RAPGEF4: variants seen among roughly 807,000 people sequenced by gnomAD.
RAPGEF4 encodes the protein RAP guanine-nucleotide-exchange factor (GEF) 4.
RAPGEF4 carries 66 observed loss-of-function variants against 147.9 expected under a neutral mutation model. That is an observed-to-expected ratio of 0.45 (90% confidence interval 0.37 to 0.55). The LOEUF is 0.55. Among genes scored for constraint, RAPGEF4 ranks in the 20% least tolerant of loss-of-function variants. RAPGEF4 has a pLI of 0.00. For missense variants in RAPGEF4, 1,071 were observed against 1,257.3 expected (o/e 0.85, Z 2.24); for synonymous variants, 419 against 442.7 (o/e 0.95, Z 0.67).
rs1684850312 is a variant in RAPGEF4, at chr2:173,042,214, A to G, written c.2853+5522A>G. Among the ~76,000 whole-genome samples the G allele has an allele frequency of 6.6e-6, 1 of 152,252 alleles. No individual in the cohort carries two copies. The highest frequency in any genetic ancestry group is 2.4e-5 in the African/African-American group (1 of 41,462). On this transcript the variant is annotated intron_variant, in intron 29 of 30. Transcript: ENST00000397081. The surrounding 1 kb of genome is among the most constrained non-coding windows in gnomAD (Gnocchi z 4.2). ...CAGCACCCATAAAAATGTCTGGCAC[A>G]TCGTAAGTATGCAAGAAGTACTTGT...
rs183851232 is a variant in RAPGEF4 at position 172,941,688 on chromosome 2, G to A, written c.538-19072G>A. 1.1e-3 allele frequency among the ~76,000 whole-genome samples: 162 copies of A among 152,236 alleles called. 1 individual carries two copies. The highest frequency in any genetic ancestry group is 1.6e-3 in the Non-Finnish European group (112 of 68,016). Reference sequence around the variant, plus strand: ...GGAAACTGTATTACGGCAGTACATCGTAGGAGTAAACCAGCAAGGAGACTG... The same window carrying A: ...GGAAACTGTATTACGGCAGTACATCATAGGAGTAAACCAGCAAGGAGACTG... On this transcript the variant is annotated intron_variant, in intron 6 of 30. Transcript: ENST00000397081.
chr2:172,978,664 T>A (rs1016667996), intron 10 of RAPGEF4, among the ~76,000 whole-genome samples: 13 of 152,212 alleles, frequency 8.5e-5, no homozygotes, highest in African/African-American at 3.1e-4. Flanking sequence ...CGCAGAGCTG[T>A]CTTATCAGTG....
At chr2:172,797,419 A>C (rs986279839) in intron 2 of RAPGEF4, 106 bp from the exon 3 acceptor site, 1 of 788,566 alleles carries the variant, frequency 1.3e-6, no homozygotes, top group Non-Finnish European at 2.1e-6. Flanking sequence ...AAGGGTGGTA[A>C]GCTCAGTTAG....
intron 3 of RAPGEF4, among the ~76,000 whole-genome samples, chr2:172,808,824 C>T (rs1212755480): frequency 1.3e-5 from 2 of 152,182 alleles, no homozygotes; most frequent in Admixed American, 6.5e-5. Flanking sequence ...GTGGCTTTTC[C>T]ACTCTGCTGC....
chr2:172,816,397 C>G (rs181349937), intron 4 of RAPGEF4, among the ~76,000 whole-genome samples: 3 of 151,916 alleles, frequency 2.0e-5, no homozygotes, highest in African/African-American at 7.2e-5. Context: ...TTCATGGTAT[C>G]TTTTTTTGCA....
At chr2:172,809,030 G>A (rs778565442) in intron 3 of RAPGEF4, among the ~76,000 whole-genome samples, 3 of 152,224 alleles carry the variant, frequency 2.0e-5, no homozygotes, top group Non-Finnish European at 4.4e-5. Flanking sequence ...TGCCAAGACA[G>A]TGCTCATGAC....
chr2:173,041,939 G>A (rs1218130184), intron 29 of RAPGEF4, among the ~76,000 whole-genome samples: 1 of 152,170 alleles, frequency 6.6e-6, no homozygotes, highest in African/African-American at 2.4e-5. Context: ...AAGGGAAGAA[G>A]ATCACACATC....
intron 4 of RAPGEF4, among the ~76,000 whole-genome samples, chr2:172,824,051 A>G (rs564473840): frequency 2.8e-4 from 43 of 152,154 alleles, no homozygotes; most frequent in Non-Finnish European, 1.8e-4. Context: ...TTTGGTTTGC[A>G]AATTAAAGAA....
At chr2:172,926,936 T>G (rs1184375626) in intron 6 of RAPGEF4, among the ~76,000 whole-genome samples, 1 of 152,242 alleles carries the variant, frequency 6.6e-6, no homozygotes, top group African/African-American at 2.4e-5. Context: ...TGCTAAATAC[T>G]GAAGAATGCT....
At chr2:173,045,498 T>C (rs1005975540) in intron 29 of RAPGEF4, among the ~76,000 whole-genome samples, 57 of 152,328 alleles carry the variant, frequency 3.7e-4, no homozygotes, top group African/African-American at 1.3e-3. Context: ...AGAAAAGATC[T>C]GGGGGTGTGA....
At chr2:173,000,345 A>AT (rs1476025018) in intron 16 of RAPGEF4, among the ~76,000 whole-genome samples, 1 of 152,256 alleles carries the variant, frequency 6.6e-6, no homozygotes, top group Non-Finnish European at 1.5e-5. Context: ...TAGCATTAAA[A>AT]TGTACGTATT....
At chr2:173,001,409 T>C (rs1693908632) in intron 17 of RAPGEF4, 65 bp downstream of exon 17, 1 of 1,593,378 alleles carries the variant, frequency 6.3e-7, no homozygotes, top group African/African-American at 1.3e-5. Context: ...TCGAGGGCCA[T>C]TCTTATCTCA....
intron 24 of RAPGEF4, 96 bp downstream of exon 24, chr2:173,026,793 T>C: frequency 6.7e-7 from 1 of 1,485,254 alleles, no homozygotes; most frequent in Non-Finnish European, 9.1e-7. Context: ...TGCTACAATA[T>C]GGAAACCACA....
intron 14 of RAPGEF4, among the ~76,000 whole-genome samples, chr2:172,989,310 C>A (rs1288862985): frequency 6.6e-6 from 1 of 150,708 alleles, no homozygotes; most frequent in Non-Finnish European, 1.5e-5. Context: ...ATCATACATT[C>A]CCTTGATTTA....
chr2:172,999,240 TC>T (rs1693669213), intron 16 of RAPGEF4, among the ~76,000 whole-genome samples: 1 of 152,228 alleles, frequency 6.6e-6, no homozygotes, highest in Admixed American at 6.5e-5. Flanking sequence ...CTGCAGTTTT[TC>T]CTGATATTTT....
rs35905755 is a variant in RAPGEF4 at position 173,002,621 on chromosome 2, CT to C, written c.1658+1292del. Among the ~76,000 whole-genome samples the C allele has an allele frequency of 9.6e-4, 133 of 138,872 alleles. 1 individual carries two copies. The highest frequency in any genetic ancestry group is 1.1e-3 in the Admixed American group (15 of 14,090). The allele number at this position is 138,872 out of a possible 152,430, so 91.1% of individuals were successfully genotyped here. A position where few individuals can be genotyped will look rare whatever the true frequency, so the allele number is the denominator to read the frequency against. On this transcript the variant is annotated intron_variant, in intron 17 of 30. Coordinates refer to ENST00000397081, the MANE Select transcript of RAPGEF4 (RefSeq NM_007023.4). ...AAGGAGAATGACTCTTTTATTCTTT[CT>C]TTTTTTTTTTTTTTAGGAATTCAGT...
rs1299059875 is a variant in RAPGEF4 at position 172,988,660 on chromosome 2, ATCT to A, written c.1228-27_1228-25del. 9.4e-6 allele frequency: 15 copies of A among 1,589,664 alleles called. No individual in the cohort carries two copies. In the Middle Eastern group the frequency reaches 5.0e-4, roughly 54 times the overall value. On this transcript the variant is annotated intron_variant, in intron 13 of 30. Transcript: ENST00000397081. Reference sequence around the variant, plus strand: ...GGTGGGTGTTTGCTCTATTTCAGGGATCTTCTTCATCTGTGTGCTCTACTCTAT... The same window carrying A: ...GGTGGGTGTTTGCTCTATTTCAGGGATCTTCATCTGTGTGCTCTACTCTAT...
chr2:172,862,802 A>G (rs1694180559), intron 4 of RAPGEF4, among the ~76,000 whole-genome samples: 1 of 152,214 alleles, frequency 6.6e-6, no homozygotes, highest in Admixed American at 6.5e-5. Context: ...TGAAATGAAG[A>G]AAGTAACATT....
intron 10 of RAPGEF4, among the ~76,000 whole-genome samples, chr2:172,982,585 A>C (rs73977755): frequency 0.073 from 11,155 of 152,244 alleles, 602 homozygotes; most frequent in South Asian, 0.16. Flanking sequence ...ATGATTTCAA[A>C]ATAATTATAG....
Sources: allele counts gnomAD v4.1 joint callset (sites outside exome capture counted in the v4.1 genomes callset), GRCh38; gene constraint gnomAD v4.1.1; non-coding constraint Gnocchi (gnomAD v3.1); transcripts MANE v1.5; gene names NCBI Gene and HGNC (gene_info 2026-07-23, HGNC 2026-07-21).